The following ASXL2 variants were observed in gnomAD, a reference collection of about 807,000 sequenced individuals.
ASXL2 encodes ASXL transcriptional regulator 2.
ASXL2 carries 23 observed loss-of-function variants against 122.0 expected under a neutral mutation model. The ratio of observed to expected loss-of-function variants is 0.19; its 90% CI spans 0.14 to 0.27. The LOEUF is 0.27. Among genes scored for constraint, ASXL2 ranks in the 10% least tolerant of loss-of-function variants. The pLI is 1.00. For synonymous variants in ASXL2, 650 were observed against 637.0 expected, an observed-to-expected ratio of 1.02 and a Z score of -0.31; for missense variants, 1,518 against 1,713.8, an observed-to-expected ratio of 0.89 and a Z score of 2.02.
At chr2:25,784,020 C>T (rs1305940117) in intron 5 of ASXL2, among the ~76,000 whole-genome samples, 2 of 151,142 alleles carry the variant, frequency 1.3e-5, no homozygotes, top group Non-Finnish European at 2.9e-5. Flanking sequence ...CACCACTGCA[C>T]TCCAGCCTGG....
intron 3 of ASXL2, among the ~76,000 whole-genome samples, chr2:25,815,265 T>C (rs2089219306): frequency 6.6e-6 from 1 of 152,158 alleles, no homozygotes; most frequent in African/African-American, 2.4e-5. Context: ...TTGACCAAAA[T>C]AATCTGACCT....
At chr2:25,859,703 T>C (rs956422106) in intron 1 of ASXL2, among the ~76,000 whole-genome samples, 4 of 152,172 alleles carry the variant, frequency 2.6e-5, no homozygotes, top group Admixed American at 2.6e-4. Context: ...TTCACCAAGA[T>C]AGACTACATT....
chr2:25,803,764 G>A (rs935094018), intron 4 of ASXL2, among the ~76,000 whole-genome samples: 9 of 152,152 alleles, frequency 5.9e-5, no homozygotes, highest in Non-Finnish European at 1.2e-4. Context: ...CCACTGATCC[G>A]ACAGGAGGCA....
At chr2:25,786,182 A>G (rs2088740668) in intron 5 of ASXL2, among the ~76,000 whole-genome samples, 1 of 151,864 alleles carries the variant, frequency 6.6e-6, no homozygotes, top group Non-Finnish European at 1.5e-5. Context: ...ATTACAAATA[A>G]AAGGAAACTA....
At chr2:25,815,608 T>C (rs1410507018) in intron 3 of ASXL2, among the ~76,000 whole-genome samples, 1 of 152,186 alleles carries the variant, frequency 6.6e-6, no homozygotes, top group Non-Finnish European at 1.5e-5. Context: ...AGAATCTTTC[T>C]TCTCTTCTAC....
chr2:25,771,627 A>C lies in ASXL2; in HGVS notation c.404-87T>G, dbSNP rs1168884041. 2.8e-6 allele frequency: 3 copies of C among 1,057,206 alleles called. No homozygotes were observed. In the African/African-American group the frequency reaches 4.8e-5, roughly 17 times the overall value. The allele number at this position is 1,057,206 out of a possible 1,614,324, so 65.5% of individuals were successfully genotyped here. A position where few individuals can be genotyped will look rare whatever the true frequency, so the allele number is the denominator to read the frequency against. On this transcript the variant is annotated intron_variant, in intron 5 of 12. Coordinates refer to ENST00000435504, the MANE Select transcript of ASXL2 (RefSeq NM_018263.6). ...TCCCCAATCATATGCTGCTACCTGG[A>C]GTAAGAACTATGACCAAACACTTTT... is the stretch of plus-strand genomic sequence containing the variant.
Position 25,759,610 on chromosome 2 carries a change from C to A in ASXL2, c.811G>T (p.Val271Phe), listed in dbSNP as rs954846035. The A allele has an allele frequency of 3.7e-6, 6 of 1,613,210 alleles. No homozygotes were observed. In the African/African-American group the frequency reaches 6.7e-5, roughly 18 times the overall value. The change falls in exon 9 of 13, where the codon GTT (valine) becomes TTT (phenylalanine). Residue 271 changes from valine to phenylalanine, a missense_variant. Around this residue, in one of 8 missense-constraint regions of ASXL2, gnomAD observed 92 missense variants for 156.6 expected, o/e 0.59. Coordinates refer to ENST00000435504, the MANE Select transcript of ASXL2 (RefSeq NM_018263.6). ...MKRTKCADIDVETPDSILVNT... is the reference protein window; with the variant it reads ...MKRTKCADIDFETPDSILVNT... ...ACCAGAATGGAGTCCGGTGTCTCAA[C>A]GTCAATGTCAGCACATTTAGTTCTT... is the stretch of plus-strand genomic sequence containing the variant.
intron 4 of ASXL2, among the ~76,000 whole-genome samples, chr2:25,806,018 T>G (rs192639031): frequency 6.6e-6 from 1 of 152,138 alleles, no homozygotes; most frequent in Non-Finnish European, 1.5e-5. Flanking sequence ...AAGATTATCA[T>G]CAAGAATAAA....
chr2:25,860,603 C>T (rs937050775), intron 1 of ASXL2, among the ~76,000 whole-genome samples: 3 of 151,878 alleles, frequency 2.0e-5, no homozygotes, highest in South Asian at 2.1e-4. Context: ...GGTAGCTACT[C>T]AGGAGGCTGA....
At chr2:25,878,041 C>T (rs1435542118) in intron 1 of ASXL2, 125 bp downstream of exon 1, 168 of 1,225,188 alleles carry the variant, frequency 1.4e-4, no homozygotes, top group Non-Finnish European at 1.8e-4. Context: ...AACCGCCGCC[C>T]TCTCCGCGCG....
chr2:25,741,897 TTAAG>T lies in ASXL2; in HGVS notation c.*128_*131del. 1.2e-6 allele frequency: 1 copy of T among 842,712 alleles called. No homozygotes were observed. 52.2% of individuals were successfully genotyped at this position (842,712 alleles called of 1,614,324 possible). On this transcript the variant is annotated 3_prime_UTR_variant, in exon 13 of 13. Transcript: ENST00000435504. ...AAAAATCTGTACTTTGTATTCCTGA[TTAAG>T]TAACATTTGTCTCTGAAGACAACTG...
chr2:25,780,389 T>C (rs929688428), intron 5 of ASXL2: 1 of 152,240 alleles, frequency 6.6e-6, no homozygotes, highest in African/African-American at 2.4e-5. Context: ...TCGATCGTGA[T>C]TTCTTCCACC....
At chr2:25,817,413 T>C (rs1230946065) in intron 3 of ASXL2, among the ~76,000 whole-genome samples, 2 of 152,206 alleles carry the variant, frequency 1.3e-5, no homozygotes, top group South Asian at 2.1e-4. Flanking sequence ...TAATATTACC[T>C]CACAGTGAAG....
At chr2:25,767,977 C>G (rs575809711) in intron 7 of ASXL2, among the ~76,000 whole-genome samples, 1 of 152,276 alleles carries the variant, frequency 6.6e-6, no homozygotes, top group East Asian at 1.9e-4. Flanking sequence ...CAGATTGAGT[C>G]TGGCAGGCCC....
intron 7 of ASXL2, among the ~76,000 whole-genome samples, chr2:25,768,205 T>C (rs1270545880): frequency 6.6e-6 from 1 of 152,234 alleles, no homozygotes; most frequent in East Asian, 1.9e-4. Flanking sequence ...CTTGGAAACA[T>C]CAGATTTTAA....
intron 3 of ASXL2, among the ~76,000 whole-genome samples, chr2:25,820,483 C>T (rs2089295614): frequency 6.6e-6 from 1 of 152,172 alleles, no homozygotes; most frequent in Non-Finnish European, 1.5e-5. Flanking sequence ...CTGATCAATG[C>T]TACAAACATG....
chr2:25,795,666 A>G (rs1181035545), intron 5 of ASXL2, among the ~76,000 whole-genome samples: 1 of 152,206 alleles, frequency 6.6e-6, no homozygotes, highest in Non-Finnish European at 1.5e-5. Context: ...AATCTTGCTA[A>G]TTGCTTCCCT....
chr2:25,739,739 C>T lies in ASXL2; in HGVS notation c.*2290G>A, dbSNP rs1324459808. ...CCTTTCCTAGTTATAGTCTGTTCATCCCTAAGTTAAGGGTAGCACAGAGGA... is the reference window on the plus strand; with the variant it reads ...CCTTTCCTAGTTATAGTCTGTTCATTCCTAAGTTAAGGGTAGCACAGAGGA... On this transcript the variant is annotated 3_prime_UTR_variant, in exon 13 of 13. Transcript: ENST00000435504. 3 of 214,810 alleles carry T rather than the reference C, an allele frequency of 1.4e-5. No homozygotes were observed. The highest frequency in any genetic ancestry group is 6.8e-5 in the African/African-American group (3 of 44,300). The allele number at this position is 214,810 out of a possible 1,614,324, so 13.3% of individuals were successfully genotyped here.
At position 25,767,744 on chromosome 2, in the gene ASXL2, G is replaced by C; in HGVS notation, c.632-18C>G. 6.2e-7 allele frequency: 1 copy of C among 1,612,908 alleles called. No homozygotes were observed. Among genetic ancestry groups the C allele is most frequent in the Non-Finnish European group, 8.5e-7 (1 of 1,179,206 alleles). Reference sequence around the variant, plus strand: ...CCATGTTGCTAGGAGAAAAAAATACGTATAAAGACTGGTAGCACTGAGATT... The same window carrying C: ...CCATGTTGCTAGGAGAAAAAAATACCTATAAAGACTGGTAGCACTGAGATT... On this transcript the variant is annotated intron_variant, in intron 7 of 12. Coordinates refer to ENST00000435504, the MANE Select transcript of ASXL2 (RefSeq NM_018263.6).
Sources: gnomAD v4.1 joint callset for allele counts (sites outside exome capture counted in the v4.1 genomes callset) on GRCh38, gnomAD v4.1.1 for gene constraint, gnomAD v4.1.1 regional missense constraint, MANE v1.5 for transcripts, NCBI Gene and HGNC (gene_info 2026-07-23, HGNC 2026-07-21) for gene names.